RAPGEF6: variants seen among roughly 807,000 people sequenced by gnomAD.
RAPGEF6 encodes PDZ domain containing guanine nucleotide exchange factor (GEF) 2.
A neutral mutation model predicts 171.4 loss-of-function variants in RAPGEF6; 56 were observed. The observed-to-expected ratio is 0.33, with a 90% CI of 0.26 to 0.41. The LOEUF is 0.41. RAPGEF6 is among the 10% of genes least tolerant of loss of function. RAPGEF6 has a pLI of 1.00. For missense variants in RAPGEF6, 1,674 were observed against 1,921.4 expected, an observed-to-expected ratio of 0.87 and a Z score of 2.41; for synonymous variants, 692 against 650.1, an observed-to-expected ratio of 1.06 and a Z score of -0.98.
chr5:131,498,344 A>C (rs1023150009), intron 12 of RAPGEF6, 99 bp downstream of exon 12: 9 of 1,131,476 alleles, frequency 8.0e-6, no homozygotes, highest in Non-Finnish European at 1.1e-5. Flanking sequence ...AGGTGTACTG[A>C]ATCTTATTAT....
intron 1 of RAPGEF6, among the ~76,000 whole-genome samples, chr5:131,615,277 T>A (rs534935341): frequency 6.6e-6 from 1 of 152,158 alleles, no homozygotes; most frequent in South Asian, 2.1e-4. Flanking sequence ...TAAAGAATGG[T>A]TGTAGTGGTG....
chr5:131,523,082 C>G (rs182652762), intron 6 of RAPGEF6, among the ~76,000 whole-genome samples: 4 of 151,960 alleles, frequency 2.6e-5, no homozygotes, highest in African/African-American at 9.7e-5. Flanking sequence ...GCACATATGA[C>G]GAGACAGGAT....
At chr5:131,584,219 A>G (rs1487265731) in intron 4 of RAPGEF6, among the ~76,000 whole-genome samples, 2 of 152,252 alleles carry the variant, frequency 1.3e-5, no homozygotes, top group African/African-American at 4.8e-5. Context: ...AGTTTTAAAA[A>G]TAAATAAAAA....
rs1394017823 is a variant in RAPGEF6, at chr5:131,548,249, C to A, written c.352-59G>T. 2.6e-6 allele frequency: 4 copies of A among 1,552,816 alleles called. No homozygotes were observed. The East Asian group carries it at 9.0e-5, about 35-fold the overall frequency. ...CAAATTTTTCCATATTATTGACAAT[C>A]TATGGAGTCTTAACAGACTCATAAG... On this transcript the variant is annotated intron_variant, in intron 5 of 27. Transcript: ENST00000509018.
At chr5:131,541,056 T>TA (rs1463225069) in intron 6 of RAPGEF6, among the ~76,000 whole-genome samples, 2 of 152,228 alleles carry the variant, frequency 1.3e-5, no homozygotes, top group Non-Finnish European at 2.9e-5. Context: ...GAACATTATA[T>TA]AAAAAATACA....
chr5:131,463,480 G>A (rs1387759224), intron 18 of RAPGEF6: 1 of 169,854 alleles, frequency 5.9e-6, no homozygotes, highest in Admixed American at 6.6e-5. Flanking sequence ...TCAGAAGGCT[G>A]AGGCAGGAGA....
At chr5:131,620,626 T>C (rs1389074123) in intron 1 of RAPGEF6, among the ~76,000 whole-genome samples, 1 of 152,042 alleles carries the variant, frequency 6.6e-6, no homozygotes. Flanking sequence ...AGTCTCACTC[T>C]GTTGCCCAGG....
chr5:131,462,061 T>C lies in RAPGEF6; in HGVS notation c.2508A>G (p.Thr836=), dbSNP rs747683403. Residue 836 remains threonine, a synonymous_variant, in exon 19 of 28, where the codon ACA becomes ACG. Coordinates refer to ENST00000509018, the MANE Select transcript of RAPGEF6 (RefSeq NM_016340.6). The part of the protein sequence containing the change: ...GRYYLKNNME[T]ETLCSDEDAQ... Reference sequence around the variant, plus strand: ...CATCTTCATCTGAACATAAGGTTTCTGTTTCCATGTTATTTTTTAAGTAAT... The same window carrying C: ...CATCTTCATCTGAACATAAGGTTTCCGTTTCCATGTTATTTTTTAAGTAAT... 3 of 1,558,910 alleles carry C rather than the reference T, an allele frequency of 1.9e-6. No individual in the cohort carries two copies. The highest frequency in any genetic ancestry group is 2.6e-6 in the Non-Finnish European group (3 of 1,153,724).
rs973921540 is a variant in RAPGEF6 at position 131,555,754 on chromosome 5, T to A, written c.351+6224A>T. On this transcript the variant is annotated intron_variant, in intron 5 of 27. Transcript: ENST00000509018. The stretch of plus-strand genomic sequence containing the variant: ...TGTATAGATTTATGTATATGTGTTA[T>A]GTTAAATTAATTATAATTAGTTACA... 5.3e-5 allele frequency among the ~76,000 whole-genome samples: 3 copies of A among 57,094 alleles called. 1 individual carries two copies. Among genetic ancestry groups the A allele is most frequent in the African/African-American group, 2.5e-4 (3 of 12,082 alleles). 37.5% of individuals were successfully genotyped at this position (57,094 alleles called of 152,430 possible). A position where few individuals can be genotyped will look rare whatever the true frequency, so the allele number is the denominator to read the frequency against.
At chr5:131,577,632 A>T (rs1762683469) in intron 4 of RAPGEF6, among the ~76,000 whole-genome samples, 1 of 151,896 alleles carries the variant, frequency 6.6e-6, no homozygotes, top group South Asian at 2.1e-4. Flanking sequence ...GATCCCTCAA[A>T]CTCTATAATC....
chr5:131,590,547 A>G (rs1341493474), intron 4 of RAPGEF6, among the ~76,000 whole-genome samples: 1 of 152,224 alleles, frequency 6.6e-6, no homozygotes. Context: ...GTAACTCACA[A>G]ATCCTAAAAA....
At chr5:131,452,617 T>C (rs545956918) in intron 21 of RAPGEF6, among the ~76,000 whole-genome samples, 53 of 151,060 alleles carry the variant, frequency 3.5e-4, no homozygotes, top group East Asian at 2.8e-3. Context: ...AATTTTATTG[T>C]ATTTGTTTGC....
At chr5:131,463,829 A>C in intron 18 of RAPGEF6, 2 of 1,218,532 alleles carry the variant, frequency 1.6e-6, no homozygotes, top group South Asian at 6.4e-5. Flanking sequence ...TGTATCATTC[A>C]GCTTCCTCTA....
At chr5:131,568,239 CCT>C (rs1762064026) in intron 4 of RAPGEF6, among the ~76,000 whole-genome samples, 1 of 151,778 alleles carries the variant, frequency 6.6e-6, no homozygotes, top group African/African-American at 2.4e-5. Context: ...CTGTTTTGTT[CCT>C]CTGTTCTTCC....
chr5:131,600,540 G>C (rs1334350692), intron 3 of RAPGEF6, among the ~76,000 whole-genome samples: 3 of 135,026 alleles, frequency 2.2e-5, no homozygotes, highest in East Asian at 2.5e-4. Flanking sequence ...AAGGAAGGAA[G>C]GAAGGAAGGA....
intron 24 of RAPGEF6, among the ~76,000 whole-genome samples, chr5:131,437,244 A>C (rs1159241632): frequency 6.6e-6 from 1 of 152,230 alleles, no homozygotes; most frequent in South Asian, 2.1e-4. Context: ...ACCTATAAAC[A>C]TGGTGTTCAA....
chr5:131,440,046 G>A (rs1752276874), intron 23 of RAPGEF6: 1 of 383,070 alleles, frequency 2.6e-6, no homozygotes, highest in Non-Finnish European at 5.0e-6. Context: ...CAAAAAGAAG[G>A]CATGGATTCA....
At chr5:131,605,485 A>G (rs982072339) in intron 1 of RAPGEF6, among the ~76,000 whole-genome samples, 3 of 152,232 alleles carry the variant, frequency 2.0e-5, no homozygotes, top group Non-Finnish European at 4.4e-5. Flanking sequence ...TAAAACTTAA[A>G]GTATAATAAA....
intron 1 of RAPGEF6, among the ~76,000 whole-genome samples, chr5:131,615,663 G>A (rs533257144): frequency 6.6e-6 from 1 of 152,134 alleles, no homozygotes; most frequent in African/African-American, 2.4e-5. Flanking sequence ...CACTTTGGGA[G>A]GCAGAGTGGG....
Sources: gnomAD v4.1 joint callset for allele counts (sites outside exome capture counted in the v4.1 genomes callset) on GRCh38, gnomAD v4.1.1 for gene constraint, MANE v1.5 for transcripts, NCBI Gene and HGNC (gene_info 2026-07-23, HGNC 2026-07-21) for gene names.